The following SCARB2 variants were observed in gnomAD, a reference collection of about 807,000 sequenced individuals.
SCARB2 encodes lysosome membrane protein 2.
SCARB2 carries 29 observed loss-of-function variants against 58.6 expected under a neutral mutation model. That is an observed-to-expected ratio of 0.49 (90% CI 0.37 to 0.67). SCARB2 has a LOEUF of 0.67. Among genes scored for constraint, SCARB2 ranks in the 30% least tolerant of loss-of-function variants. The probability of loss-of-function intolerance (pLI) is 0.00; values close to 1 mark genes in which losing one functional copy is unlikely to be tolerated. For missense variants in SCARB2, 488 were observed against 578.5 expected, an observed-to-expected ratio of 0.84 and a Z score of 1.60; for synonymous variants, 195 against 210.1, an observed-to-expected ratio of 0.93 and a Z score of 0.62.
intron 2 of SCARB2, among the ~76,000 whole-genome samples, chr4:76,186,761 C>A (rs1294962259): frequency 6.6e-6 from 1 of 152,094 alleles, no homozygotes; most frequent in Non-Finnish European, 1.5e-5. Flanking sequence ...TGGTCACAAC[C>A]TTTTGTGCAT....
chr4:76,187,062 A>G (rs1455942310), intron 2 of SCARB2, among the ~76,000 whole-genome samples: 1 of 152,222 alleles, frequency 6.6e-6, no homozygotes, highest in Non-Finnish European at 1.5e-5. Flanking sequence ...AAGGGTTAAT[A>G]GGACAGAATT....
At chr4:76,227,451 G>T (rs894723516) in intron 1 of SCARB2, among the ~76,000 whole-genome samples, 3 of 152,110 alleles carry the variant, frequency 2.0e-5, no homozygotes, top group Non-Finnish European at 4.4e-5. Flanking sequence ...CCTGTTTTGT[G>T]GCCTATCATA....
chr4:76,223,565 C>T (rs1470344151), intron 1 of SCARB2, among the ~76,000 whole-genome samples: 2 of 152,004 alleles, frequency 1.3e-5, no homozygotes, highest in Non-Finnish European at 2.9e-5. Flanking sequence ...AAAGTGTGAT[C>T]CCAAGACGTT....
Position 76,195,700 on chromosome 4 carries a change from G to A in SCARB2, c.275+7C>T, listed in dbSNP as rs777137419. On this transcript the variant is annotated splice_region_variant and intron_variant, in intron 2 of 11. Transcript: ENST00000264896. Reference sequence around the variant, plus strand: ...TTCTTTCAAGACAGGAGGTGGTCAAGACTTACCTGTAGGTGTATGGCCCCA... The same window carrying A: ...TTCTTTCAAGACAGGAGGTGGTCAAAACTTACCTGTAGGTGTATGGCCCCA... 9.4e-5 allele frequency: 152 copies of A among 1,613,290 alleles called. 2 individuals are homozygous for A. In the South Asian group the frequency reaches 1.6e-3, roughly 17 times the overall value.
chr4:76,225,185 G>A (rs1335452815), intron 1 of SCARB2, among the ~76,000 whole-genome samples: 1 of 151,976 alleles, frequency 6.6e-6, no homozygotes, highest in African/African-American at 2.4e-5. Flanking sequence ...TTATCCACTC[G>A]CACTCGTTGG....
Position 76,169,914 on chromosome 4 carries a change from T to C in SCARB2, c.1066A>G (p.Met356Val), listed in dbSNP as rs1732094004. The C allele has an allele frequency of 1.9e-6, 3 of 1,614,004 alleles. No homozygotes were observed. Among genetic ancestry groups the C allele is most frequent in the East Asian group, 2.2e-5 (1 of 44,884 alleles). Residue 356 changes from methionine to valine, a missense_variant, in exon 8 of 12, where the codon ATG (methionine) becomes GTG (valine). Transcript: ENST00000264896. Reference sequence around the variant, plus strand: ...TCATGGTCTTCCTGATTTGGGTGCATGCCTTCTATGGCAGAAACAAACCTC... The same window carrying C: ...TCATGGTCTTCCTGATTTGGGTGCACGCCTTCTATGGCAGAAACAAACCTC... ...DERFVSAIEG[M>V]HPNQEDHETF...
At chr4:76,210,410 T>C (rs138267098) in intron 1 of SCARB2, among the ~76,000 whole-genome samples, 54 of 152,302 alleles carry the variant, frequency 3.5e-4, no homozygotes, top group African/African-American at 1.3e-3. Flanking sequence ...ATTTAATATG[T>C]ATCTCAGGCA....
At chr4:76,176,635 T>C (rs746189442) in intron 4 of SCARB2, 107 bp from the exon 5 acceptor site, 2 of 751,514 alleles carry the variant, frequency 2.7e-6, no homozygotes, top group Non-Finnish European at 4.6e-6. Context: ...CCAGATGGTG[T>C]GGTGAAGGTA....
chr4:76,161,447 C>A lies in SCARB2; in HGVS notation c.*266G>T. ...TGGAGCTACCAGCACCCAACAACAA[C>A]AAAATTACTATACAAGGGTTTATTA... is the stretch of plus-strand genomic sequence containing the variant. On this transcript the variant is annotated 3_prime_UTR_variant, in exon 12 of 12. Transcript: ENST00000264896. The A allele has an allele frequency of 5.8e-6, 3 of 517,818 alleles. No homozygotes were observed. The highest frequency in any genetic ancestry group is 4.5e-5 in the South Asian group (2 of 44,352). 32.1% of individuals were successfully genotyped at this position (517,818 alleles called of 1,614,324 possible).
Position 76,196,016 on chromosome 4 carries a change from G to A in SCARB2, c.118-152C>T, listed in dbSNP as rs1035352579. On this transcript the variant is annotated intron_variant, in intron 1 of 11. Coordinates refer to ENST00000264896, the MANE Select transcript of SCARB2 (RefSeq NM_005506.4). Reference sequence around the variant, plus strand: ...ATTCAACTGCAGTCTCCTGAGAACAGGGCCATATCTTACACCAATAGAGCC... The same window carrying A: ...ATTCAACTGCAGTCTCCTGAGAACAAGGCCATATCTTACACCAATAGAGCC... 4.9e-6 allele frequency: 3 copies of A among 606,744 alleles called. No homozygotes were observed. In the African/African-American group the frequency reaches 5.6e-5, roughly 11 times the overall value. 37.6% of individuals were successfully genotyped at this position (606,744 alleles called of 1,614,324 possible).
At chr4:76,190,173 T>C (rs1290693290) in intron 2 of SCARB2, among the ~76,000 whole-genome samples, 2 of 152,070 alleles carry the variant, frequency 1.3e-5, no homozygotes, top group Non-Finnish European at 2.9e-5. Flanking sequence ...CACGCCTGGC[T>C]AATTTTTTGT....
chr4:76,188,557 G>A (rs3853190), intron 2 of SCARB2, among the ~76,000 whole-genome samples: 15,610 of 152,158 alleles, frequency 0.1, 1,013 homozygotes, highest in East Asian at 0.21. Context: ...ACACCAATCT[G>A]TACTAACTGG....
At position 76,213,460 on chromosome 4, in the gene SCARB2, G is replaced by A. The variant is rs781459404; in HGVS notation, c.84C>T (p.Val28=). The A allele has an allele frequency of 6.2e-7, 1 of 1,610,608 alleles. No individual in the cohort carries two copies. The highest frequency in any genetic ancestry group is 8.5e-7 in the Non-Finnish European group (1 of 1,178,452). ...TACTCTGGTCTACAGCCTTCTGGAA[G>A]ACCCGGGCCACCAGCAGCGTGACGC... ...VTSVTLLVAR[V]FQKAVDQSIE... The change falls in exon 1 of 12, where the codon GTC becomes GTT. Residue 28 remains valine (V), a synonymous_variant. Coordinates refer to ENST00000264896, the MANE Select transcript of SCARB2 (RefSeq NM_005506.4).
chr4:76,165,115 T>C (rs972528970), intron 10 of SCARB2: 1 of 152,172 alleles, frequency 6.6e-6, no homozygotes, highest in African/African-American at 2.4e-5. Flanking sequence ...TGAACAGAAG[T>C]TGGCAGAAAA....
intron 1 of SCARB2, among the ~76,000 whole-genome samples, chr4:76,226,669 CA>C (rs1733404463): frequency 6.6e-6 from 1 of 152,222 alleles, no homozygotes; most frequent in African/African-American, 2.4e-5. Context: ...AGCCCTGCCT[CA>C]GCCCTTCTAC....
chr4:76,165,763 G>GTT (rs527250364), intron 10 of SCARB2: 62 of 144,274 alleles, frequency 4.3e-4, no homozygotes, highest in South Asian at 2.8e-3. Flanking sequence ...AAAAACCTGC[G>GTT]TTTTTTTTTT....
At chr4:76,206,067 T>C (rs1000699924) in intron 1 of SCARB2, among the ~76,000 whole-genome samples, 25 of 152,088 alleles carry the variant, frequency 1.6e-4, no homozygotes, top group Admixed American at 8.5e-4. Flanking sequence ...GTCACGAGCG[T>C]AGAACCCTCT....
At chr4:76,183,735 G>T (rs1457680324) in intron 2 of SCARB2, among the ~76,000 whole-genome samples, 1 of 152,166 alleles carries the variant, frequency 6.6e-6, no homozygotes, top group South Asian at 2.1e-4. Flanking sequence ...AGGTTGGGGG[G>T]TGGGGCTGAA....
intron 1 of SCARB2, among the ~76,000 whole-genome samples, chr4:76,221,643 C>A (rs1007863554): frequency 6.6e-6 from 1 of 152,168 alleles, no homozygotes; most frequent in Non-Finnish European, 1.5e-5. Flanking sequence ...TTCAAGCGAA[C>A]TACTGCAAAA....
Sources: allele counts gnomAD v4.1 joint callset (sites outside exome capture counted in the v4.1 genomes callset), GRCh38; gene constraint gnomAD v4.1.1; transcripts MANE v1.5; gene names NCBI Gene and HGNC (gene_info 2026-07-23, HGNC 2026-07-21).